DLC1: variants seen among roughly 807,000 people sequenced by gnomAD.
DLC1 encodes the protein rho GTPase-activating protein 7.
A neutral mutation model predicts 140.3 loss-of-function variants in DLC1; 54 were observed. The ratio of observed to expected loss-of-function variants is 0.38; its 90% CI spans 0.31 to 0.48. The LOEUF (loss-of-function observed/expected upper bound fraction) is 0.48. Among genes scored for constraint, DLC1 ranks in the 20% least tolerant of loss-of-function variants. The probability of loss-of-function intolerance (pLI) is 0.96; values close to 1 mark genes in which losing one functional copy is unlikely to be tolerated. For missense variants in DLC1, 2,536 were observed against 1,907.0 expected, an observed-to-expected ratio of 1.33 and a Z score of -6.14; for synonymous variants, 986 against 728.1, an observed-to-expected ratio of 1.35 and a Z score of -5.70.
intron 5 of DLC1, among the ~76,000 whole-genome samples, chr8:13,163,868 A>G (rs967668454): frequency 6.6e-6 from 1 of 152,202 alleles, no homozygotes; most frequent in East Asian, 1.9e-4. Flanking sequence ...TTAGCCAAGT[A>G]TTGTGATGCA....
chr8:13,173,411 C>T (rs542022581), intron 5 of DLC1, among the ~76,000 whole-genome samples: 4 of 112,936 alleles, frequency 3.5e-5, no homozygotes, highest in African/African-American at 1.4e-4. Flanking sequence ...CTTGCTCTAT[C>T]TCCAGGCTGG....
At chr8:13,595,279 A>G (rs1179224798) in intron 1 of DLC1, among the ~76,000 whole-genome samples, 3 of 152,086 alleles carry the variant, frequency 2.0e-5, no homozygotes, top group Non-Finnish European at 4.4e-5. Flanking sequence ...TTCAGATGTC[A>G]GGTGACAATT....
intron 5 of DLC1, among the ~76,000 whole-genome samples, chr8:13,212,146 G>A (rs998057211): frequency 1.3e-5 from 2 of 152,140 alleles, no homozygotes; most frequent in Non-Finnish European, 2.9e-5. Context: ...AGAAATTTAT[G>A]TTATGTTATT....
chr8:13,109,579 A>G (rs557357655), intron 7 of DLC1, among the ~76,000 whole-genome samples: 2 of 134,610 alleles, frequency 1.5e-5, no homozygotes, highest in East Asian at 2.1e-4. Context: ...AAAATAAAAT[A>G]AAAAACAGAA....
At chr8:13,549,755 GC>G (rs1803780644) in intron 1 of DLC1, among the ~76,000 whole-genome samples, 1 of 152,062 alleles carries the variant, frequency 6.6e-6, no homozygotes, top group African/African-American at 2.4e-5. Context: ...GGGTGTTACT[GC>G]CAAAAAAGAC....
intron 3 of DLC1, among the ~76,000 whole-genome samples, chr8:13,395,295 G>C (rs374412747): frequency 6.6e-6 from 1 of 151,900 alleles, no homozygotes. Context: ...CTAATTTTTT[G>C]TATTTTTAGT....
chr8:13,596,994 G>A (rs114004642), intron 1 of DLC1, among the ~76,000 whole-genome samples: 1,576 of 151,896 alleles, frequency 0.01, 29 homozygotes, highest in African/African-American at 0.036. Flanking sequence ...ATGTTCGTTT[G>A]TTTGAAGGAG....
intron 5 of DLC1, among the ~76,000 whole-genome samples, chr8:13,162,779 C>T (rs1563125368): frequency 6.6e-6 from 1 of 152,074 alleles, no homozygotes; most frequent in African/African-American, 2.4e-5. Context: ...GTCTTTACGC[C>T]TCCCCAGCCC....
intron 5 of DLC1, among the ~76,000 whole-genome samples, chr8:13,161,099 G>A (rs1824659056): frequency 6.6e-6 from 1 of 152,132 alleles, no homozygotes; most frequent in Non-Finnish European, 1.5e-5. Flanking sequence ...TTAGGGAGGT[G>A]GGAGTGGGAG....
At chr8:13,388,346 A>C (rs1045694078) in intron 4 of DLC1, among the ~76,000 whole-genome samples, 1 of 152,054 alleles carries the variant, frequency 6.6e-6, no homozygotes, top group African/African-American at 2.4e-5. Context: ...CTACCTTAGA[A>C]GCTTTTCTGT....
intron 1 of DLC1, among the ~76,000 whole-genome samples, chr8:13,582,668 A>T (rs938422286): frequency 6.6e-6 from 1 of 151,724 alleles, no homozygotes; most frequent in Admixed American, 6.6e-5. Flanking sequence ...TGTGTGAGTT[A>T]ATACTTAATA....
intron 5 of DLC1, among the ~76,000 whole-genome samples, chr8:13,295,785 C>G (rs1831919640): frequency 6.6e-6 from 1 of 152,050 alleles, no homozygotes; most frequent in South Asian, 2.1e-4. Context: ...AAACATACCT[C>G]TCCAAAGAAA....
In DLC1 at chr8:13,090,424, T is replaced by C; in HGVS notation, c.3902A>G (p.Glu1301Gly). 2 of 1,614,188 alleles carry C rather than the reference T, an allele frequency of 1.2e-6. No individual in the cohort carries two copies. The highest frequency in any genetic ancestry group is 1.7e-6 in the Non-Finnish European group (2 of 1,180,044). The change falls in exon 15 of 18, where the codon GAG (glutamate) becomes GGG (glycine). Residue 1301 changes from glutamate (E) to glycine (G), a missense_variant. Physicochemically the swap from Glu to Gly is moderately conservative, Grantham distance 98 (BLOSUM62 -2). Coordinates refer to ENST00000276297, the MANE Select transcript of DLC1 (RefSeq NM_182643.3). ...TGCTTCCAGAGTGAGGGGCTTCAGC[T>C]CTTGTTCGGTATAGGAATTACGACA... ...SRCRNSYTEQELKPLTLEALG... is the reference protein window; with the variant it reads ...SRCRNSYTEQGLKPLTLEALG...
chr8:13,531,852 G>T (rs754486143), intron 1 of DLC1, among the ~76,000 whole-genome samples: 19 of 151,994 alleles, frequency 1.3e-4, no homozygotes, highest in Non-Finnish European at 2.6e-4. Flanking sequence ...TTTTGGAAAG[G>T]CTTACCATAT....
intron 1 of DLC1, among the ~76,000 whole-genome samples, chr8:13,520,026 G>A (rs1802715373): frequency 1.3e-5 from 2 of 152,204 alleles, no homozygotes; most frequent in African/African-American, 4.8e-5. Flanking sequence ...CCGTTGGTGG[G>A]AGTGTGAATT....
At position 13,273,924 on chromosome 8, in the gene DLC1, C is replaced by T. The variant is rs191631644; in HGVS notation, c.1348+31345G>A. Among the ~76,000 whole-genome samples the T allele has an allele frequency of 3.3e-3, 504 of 152,088 alleles. 4 individuals carry two copies. The highest frequency in any genetic ancestry group is 0.011 in the African/African-American group (471 of 41,478). ...AAGTCAGGAAGGCAATAATCATCAC[C>T]GAAATAACATTCTAGCTACTATTAA... On this transcript the variant is annotated intron_variant, in intron 5 of 17. Coordinates refer to ENST00000276297, the MANE Select transcript of DLC1 (RefSeq NM_182643.3).
At position 13,084,457 on chromosome 8, in the gene DLC1, A is replaced by G. The variant is rs1210512906; in HGVS notation, c.*1354T>C. The G allele has an allele frequency of 6.6e-6, 1 of 152,600 alleles. No homozygotes were observed. The highest frequency in any genetic ancestry group is 1.5e-5 in the Non-Finnish European group (1 of 68,040). 9.5% of individuals were successfully genotyped at this position (152,600 alleles called of 1,614,324 possible). On this transcript the variant is annotated 3_prime_UTR_variant, in exon 18 of 18. Coordinates refer to ENST00000276297, the MANE Select transcript of DLC1 (RefSeq NM_182643.3). ...TTTACTAATACTGTCTCTTGAGTCA[A>G]TCCTTACCATTACAGTAAAACCTGA...
intron 2 of DLC1, among the ~76,000 whole-genome samples, chr8:13,451,037 CAAAAAAAA>C (rs1169620786): frequency 2.7e-4 from 5 of 18,366 alleles, no homozygotes; most frequent in Admixed American, 1.0e-3. Context: ...GACTCCGTCT[CAAAAAAAA>C]AAAAAAAAAA....
intron 1 of DLC1, among the ~76,000 whole-genome samples, chr8:13,590,289 A>C (rs1805475625): frequency 6.6e-6 from 1 of 152,000 alleles, no homozygotes; most frequent in Non-Finnish European, 1.5e-5. Flanking sequence ...AGAAGCCATA[A>C]AACCCACATC....
Sources: gnomAD v4.1 joint callset for allele counts (sites outside exome capture counted in the v4.1 genomes callset) on GRCh38, gnomAD v4.1.1 for gene constraint, MANE v1.5 for transcripts, NCBI Gene and HGNC (gene_info 2026-07-23, HGNC 2026-07-21) for gene names.